The following FHIP1A variants were observed in gnomAD, a reference collection of about 807,000 sequenced individuals.
FHIP1A encodes FHF complex subunit HOOK interacting protein 1A, also known as FHF complex subunit HOOK-interacting protein 1A.
In FHIP1A, 61 loss-of-function variants were observed where a neutral mutation model predicts 88.6. The ratio of observed to expected loss-of-function variants is 0.69; its 90% CI spans 0.56 to 0.85. The LOEUF is 0.85. Among genes scored for constraint, FHIP1A ranks in the 40% least tolerant of loss-of-function variants. FHIP1A has a pLI of 0.00. For missense variants in FHIP1A, 1,154 were observed against 1,273.5 expected, an observed-to-expected ratio of 0.91 and a Z score of 1.43; for synonymous variants, 478 against 496.0, an observed-to-expected ratio of 0.96 and a Z score of 0.48.
intron 3 of FHIP1A, among the ~76,000 whole-genome samples, chr4:151,510,294 G>A (rs1730982560): frequency 6.6e-6 from 1 of 151,904 alleles, no homozygotes; most frequent in South Asian, 2.1e-4. Flanking sequence ...TTTTTGTAGA[G>A]ATGGGGGTCT....
At position 151,665,137 on chromosome 4, in the gene FHIP1A, G is replaced by C. The variant is rs992662334; in HGVS notation, c.*2383G>C. 8.5e-5 allele frequency among the ~76,000 whole-genome samples: 13 copies of C among 152,108 alleles called. No individual in the cohort carries two copies. Among genetic ancestry groups the C allele is most frequent in the African/African-American group, 3.1e-4 (13 of 41,416 alleles). ...ATATAGGAACGTGCCACCACACCCA[G>C]CTAACTTTTTGGTATAGTTTGTAGA... is the stretch of plus-strand genomic sequence containing the variant. On this transcript the variant is annotated 3_prime_UTR_variant, in exon 14 of 14. Coordinates refer to ENST00000435205, the MANE Select transcript of FHIP1A (RefSeq NM_001109977.3).
rs185738119 is a variant in FHIP1A at position 151,553,526 on chromosome 4, G to T, written c.-122-12612G>T. Among the ~76,000 whole-genome samples, 277 of 152,082 alleles carry T rather than the reference G, an allele frequency of 1.8e-3. 1 individual carries two copies. The highest frequency in any genetic ancestry group is 6.4e-3 in the African/African-American group (266 of 41,510). On this transcript the variant is annotated intron_variant, in intron 3 of 13. Coordinates refer to ENST00000435205, the MANE Select transcript of FHIP1A (RefSeq NM_001109977.3). ...ATTTAGTGTTTTTTTCTTTTAACTCGTAGGATAATCAGTTTTGTTTATATT... is the reference window on the plus strand; with the variant it reads ...ATTTAGTGTTTTTTTCTTTTAACTCTTAGGATAATCAGTTTTGTTTATATT...
At chr4:151,422,988 T>G (rs1028443308) in intron 1 of FHIP1A, among the ~76,000 whole-genome samples, 1 of 152,238 alleles carries the variant, frequency 6.6e-6, no homozygotes, top group African/African-American at 2.4e-5. Context: ...CCTTCTGTTC[T>G]GCTTTCTAGC....
chr4:151,471,358 A>G (rs1729507635), intron 2 of FHIP1A, among the ~76,000 whole-genome samples: 1 of 150,570 alleles, frequency 6.6e-6, no homozygotes, highest in Non-Finnish European at 1.5e-5. Flanking sequence ...CCACCAAAAC[A>G]GCACTCTGAA....
At chr4:151,419,407 G>A (rs978701000) in intron 1 of FHIP1A, among the ~76,000 whole-genome samples, 19 of 152,020 alleles carry the variant, frequency 1.2e-4, no homozygotes, top group Admixed American at 2.0e-4. Flanking sequence ...CTATAATTGC[G>A]TAAGCCACTT....
chr4:151,423,908 TG>T (rs1733267076), intron 1 of FHIP1A, among the ~76,000 whole-genome samples: 1 of 152,198 alleles, frequency 6.6e-6, no homozygotes, highest in African/African-American at 2.4e-5. Flanking sequence ...AGAACCATTA[TG>T]GGGGTTGTAT....
At chr4:151,610,445 GAAA>G (rs1176154177) in intron 7 of FHIP1A, among the ~76,000 whole-genome samples, 1 of 152,172 alleles carries the variant, frequency 6.6e-6, no homozygotes, top group Admixed American at 6.5e-5. Flanking sequence ...TTGCCAGGAG[GAAA>G]CAGGTAGAGA....
chr4:151,503,092 C>T lies in FHIP1A; in HGVS notation c.-123+20444C>T, dbSNP rs75610345. Among the ~76,000 whole-genome samples, 1,020 of 152,256 alleles carry T rather than the reference C, an allele frequency of 6.7e-3. 11 individuals carry two copies. Among genetic ancestry groups the T allele is most frequent in the African/African-American group, 0.024 (991 of 41,536 alleles). The stretch of plus-strand genomic sequence containing the variant: ...TACAGGTTCAGTTGCTCACCACTTG[C>T]GGAGTCTAATTAACAAGAGAGAGGT... On this transcript the variant is annotated intron_variant, in intron 3 of 13. Coordinates refer to ENST00000435205, the MANE Select transcript of FHIP1A (RefSeq NM_001109977.3).
At chr4:151,478,296 G>GA (rs1319367770) in intron 2 of FHIP1A, among the ~76,000 whole-genome samples, 1 of 152,122 alleles carries the variant, frequency 6.6e-6, no homozygotes, top group Non-Finnish European at 1.5e-5. Context: ...GTTTATATGT[G>GA]AAAAGATACA....
chr4:151,613,091 A>G (rs979381885), intron 7 of FHIP1A, among the ~76,000 whole-genome samples: 2 of 152,180 alleles, frequency 1.3e-5, no homozygotes, highest in Non-Finnish European at 2.9e-5. Flanking sequence ...AGGGCTGAGA[A>G]CCACTGCTGT....
At chr4:151,429,434 C>T (rs186918833) in intron 1 of FHIP1A, among the ~76,000 whole-genome samples, 206 of 152,300 alleles carry the variant, frequency 1.4e-3, no homozygotes, top group African/African-American at 4.7e-3. Context: ...AAGAAATCAT[C>T]TAGGGAGGTT....
intron 1 of FHIP1A, among the ~76,000 whole-genome samples, chr4:151,434,224 CTT>C (rs1443880512): frequency 6.6e-6 from 1 of 152,122 alleles, no homozygotes; most frequent in East Asian, 1.9e-4. Flanking sequence ...AATTTATACT[CTT>C]TGGCTGTAAG....
intron 3 of FHIP1A, among the ~76,000 whole-genome samples, chr4:151,530,749 C>T (rs1054672419): frequency 2.0e-5 from 3 of 152,180 alleles, no homozygotes; most frequent in Non-Finnish European, 2.9e-5. Context: ...TTGGAGCAGC[C>T]AGACAGACCT....
chr4:151,520,321 C>G (rs1407305854), intron 3 of FHIP1A, among the ~76,000 whole-genome samples: 1 of 151,902 alleles, frequency 6.6e-6, no homozygotes, highest in Admixed American at 6.6e-5. Flanking sequence ...GATTTTTCTT[C>G]CCTTGTTGTA....
chr4:151,417,923 A>G (rs1403830232), intron 1 of FHIP1A, among the ~76,000 whole-genome samples: 1 of 152,170 alleles, frequency 6.6e-6, no homozygotes, highest in Non-Finnish European at 1.5e-5. Flanking sequence ...AATCCTGGGC[A>G]TTTTGGCAGG....
rs114217224 is a variant in FHIP1A, at chr4:151,428,117, C to T, written c.-356+18652C>T. On this transcript the variant is annotated intron_variant, in intron 1 of 13. Coordinates refer to ENST00000435205, the MANE Select transcript of FHIP1A (RefSeq NM_001109977.3). ...TTTGTGCAAAGAAGTAATGTTTATT[C>T]AGGAATATTTCTGAAGGTATATGTT... is the stretch of plus-strand genomic sequence containing the variant. Among the ~76,000 whole-genome samples, 244 of 152,192 alleles carry T rather than the reference C, an allele frequency of 1.6e-3. 1 individual carries two copies. Among genetic ancestry groups the T allele is most frequent in the Admixed American group, 5.0e-3 (76 of 15,288 alleles).
At chr4:151,474,957 C>G (rs1561511575) in intron 2 of FHIP1A, among the ~76,000 whole-genome samples, 1 of 152,166 alleles carries the variant, frequency 6.6e-6, no homozygotes, top group South Asian at 2.1e-4. Context: ...GTGTGATTAA[C>G]TTGTGCTTTA....
intron 1 of FHIP1A, among the ~76,000 whole-genome samples, chr4:151,448,336 A>G (rs1037776714): frequency 1.3e-5 from 2 of 152,176 alleles, no homozygotes; most frequent in Admixed American, 1.3e-4. Flanking sequence ...GCATTTTAAC[A>G]GTTTTTAAGC....
intron 3 of FHIP1A, among the ~76,000 whole-genome samples, chr4:151,554,390 A>G (rs1316983482): frequency 2.0e-5 from 3 of 152,178 alleles, no homozygotes; most frequent in Admixed American, 2.0e-4. Context: ...TACTAAATCA[A>G]TACATGAATA....
Sources: gnomAD v4.1 joint callset for allele counts (sites outside exome capture counted in the v4.1 genomes callset) on GRCh38, gnomAD v4.1.1 for gene constraint, MANE v1.5 for transcripts, NCBI Gene and HGNC (gene_info 2026-07-23, HGNC 2026-07-21) for gene names.